Variants in ATP5PF observed in about 807,000 individuals in gnomAD.
ATP5PF encodes ATP synthase peripheral stalk subunit F6.
ATP5PF carries 7 observed loss-of-function variants against 12.0 expected under a neutral mutation model. The observed-to-expected ratio is 0.58, with a 90% CI of 0.33 to 1.10. The LOEUF is 1.10. Among genes scored for constraint, ATP5PF ranks in the 50% least tolerant of loss-of-function variants. ATP5PF has a pLI of 0.03. For missense variants in ATP5PF, 120 were observed against 127.7 expected (o/e 0.94, Z 0.29); for synonymous variants, 41 against 45.4 (o/e 0.90, Z 0.39).
intron 2 of ATP5PF, among the ~76,000 whole-genome samples, chr21:25,725,660 G>A (rs190283926): frequency 1.3e-5 from 2 of 152,026 alleles, no homozygotes; most frequent in Admixed American, 6.6e-5. Flanking sequence ...GGATGGTCTC[G>A]ATCTCCTGAC....
chr21:25,734,011 A>G (rs1601094408), intron 1 of ATP5PF, among the ~76,000 whole-genome samples: 2 of 152,208 alleles, frequency 1.3e-5, no homozygotes, highest in African/African-American at 2.4e-5. Flanking sequence ...TCTCCCTTAT[A>G]AGTCCTACGA....
chr21:25,730,800 G>A (rs1430851722), intron 1 of ATP5PF, among the ~76,000 whole-genome samples: 2 of 100,784 alleles, frequency 2.0e-5, no homozygotes, highest in African/African-American at 3.5e-5. Context: ...CAAATCCCTA[G>A]ACTTCCTTAA....
At chr21:25,725,376 A>G in intron 2 of ATP5PF, 26 bp from the exon 3 acceptor site, 1 of 1,553,246 alleles carries the variant, frequency 6.4e-7, no homozygotes, top group Non-Finnish European at 8.7e-7. Flanking sequence ...GCAAACAAAA[A>G]TTAATTTTGT....
chr21:25,725,484 G>A, intron 2 of ATP5PF, 134 bp from the exon 3 acceptor site: 2 of 1,021,154 alleles, frequency 2.0e-6, no homozygotes, highest in South Asian at 1.9e-5. Context: ...TTGGTCGCCA[G>A]GCTGGAGTGC....
chr21:25,734,285 G>A, intron 1 of ATP5PF: 16 of 974,580 alleles, frequency 1.6e-5, no homozygotes, highest in Non-Finnish European at 2.0e-5. Context: ...TCTGAGCAGA[G>A]GCCTTGTTCT....
At chr21:25,731,406 CTTTT>C in intron 1 of ATP5PF, among the ~76,000 whole-genome samples, 1 of 149,658 alleles carries the variant, frequency 6.7e-6, no homozygotes, top group African/African-American at 2.5e-5. Context: ...ATTTCTCAAT[CTTTT>C]TTTTTTTCAG....
At chr21:25,735,204 C>G (rs1388013047), upstream of ATP5PF, 3 of 594,550 alleles carry the variant, frequency 5.0e-6, no homozygotes, top group Non-Finnish European at 6.0e-6. Context: ...CTAGTTCAAG[C>G]TCCCCTCCGA....
intron 1 of ATP5PF, among the ~76,000 whole-genome samples, chr21:25,733,215 A>C: frequency 6.6e-6 from 1 of 152,098 alleles, no homozygotes; most frequent in East Asian, 1.9e-4. Context: ...TTAAACACAC[A>C]GAAACTGAGG....
upstream of ATP5PF, chr21:25,735,088 C>T (rs1192622093): frequency 1.1e-6 from 1 of 883,068 alleles, no homozygotes; most frequent in Non-Finnish European, 1.8e-6. Flanking sequence ...CTTCCGGGTC[C>T]CCTGGCACAG....
intron 2 of ATP5PF, among the ~76,000 whole-genome samples, chr21:25,728,708 G>C (rs1297915929): frequency 2.0e-5 from 3 of 152,182 alleles, no homozygotes; most frequent in Non-Finnish European, 4.4e-5. Context: ...AGAGGGATGA[G>C]TACCCAAACA....
At chr21:25,734,249 G>C (rs1031119868) in intron 1 of ATP5PF, 1 of 873,018 alleles carries the variant, frequency 1.1e-6, no homozygotes, top group African/African-American at 1.8e-5. Flanking sequence ...GAAAGACTGG[G>C]GAAGGCAACA....
chr21:25,725,056 C>A, intron 3 of ATP5PF, 170 bp downstream of exon 3: 1 of 839,872 alleles, frequency 1.2e-6, no homozygotes, highest in Non-Finnish European at 1.8e-6. Flanking sequence ...ATCTCCTATA[C>A]TGCTCTTATT....
intron 1 of ATP5PF, among the ~76,000 whole-genome samples, chr21:25,731,631 G>GA (rs2123453423): frequency 6.6e-6 from 1 of 151,118 alleles, no homozygotes; most frequent in African/African-American, 2.4e-5. Flanking sequence ...ATCTTCAAGT[G>GA]AAAATCTGAT....
chr21:25,734,734 C>T, intron 1 of ATP5PF, 119 bp downstream of exon 1: 1 of 1,059,414 alleles, frequency 9.4e-7, no homozygotes, highest in Non-Finnish European at 1.3e-6. Context: ...CGTGAAGGTC[C>T]CCAGGACACA....
At position 25,725,238 on chromosome 21, in the gene ATP5PF, A is replaced by T; in HGVS notation, c.277T>A (p.Phe93Ile). The T allele has an allele frequency of 6.2e-7, 1 of 1,607,068 alleles. No homozygotes were observed. Among genetic ancestry groups the T allele is most frequent in the Middle Eastern group, 1.7e-4 (1 of 5,976 alleles). ...TTATAAGACGTACCTTCAAATTTGA[A>T]GGTGGGAAATGTATTCATGTCTGCA... is the stretch of plus-strand genomic sequence containing the variant. ...GNADMNTFPT[F>I]KFEDPKFEVI... is the part of the protein sequence containing the mutation. Residue 93 changes from phenylalanine (F) to isoleucine (I), a missense_variant, in exon 3 of 4, where the codon TTC (phenylalanine) becomes ATC (isoleucine). Coordinates refer to ENST00000284971, the MANE Select transcript of ATP5PF (RefSeq NM_001003703.2).
chr21:25,732,890 G>GAAGGGCGTAAACCT, intron 1 of ATP5PF, among the ~76,000 whole-genome samples: 1 of 147,798 alleles, frequency 6.8e-6, no homozygotes, highest in African/African-American at 2.5e-5. Context: ...GGCTGAGGCA[G>GAAGGGCGTAAACCT]GAGATTCCTT....
intron 1 of ATP5PF, 43 bp downstream of exon 1, chr21:25,734,810 G>T: frequency 1.3e-6 from 2 of 1,514,654 alleles, no homozygotes; most frequent in African/African-American, 1.4e-5. Flanking sequence ...CCCAGAACTG[G>T]AGTCCCAAAA....
rs752144423 is a variant in ATP5PF, at chr21:25,725,333, A to T, written c.182T>A (p.Val61Asp). 2 of 1,605,318 alleles carry T rather than the reference A, an allele frequency of 1.2e-6. No individual in the cohort carries two copies. The highest frequency in any genetic ancestry group is 2.2e-5 in the South Asian group (2 of 89,074). The change falls in exon 3 of 4, where the codon GTT becomes GAT. Residue 61 changes from valine to aspartate, a missense_variant. Coordinates refer to ENST00000284971, the MANE Select transcript of ATP5PF (RefSeq NM_001003703.2). ...KSKRQTSGGP[V>D]DASSEYQQEL... is the part of the protein sequence containing the mutation. ...TTGCTGATACTCTGAACTAGCATCA[A>T]CAGGTCCTCCAGATGTCCTGTTAAG... is the stretch of plus-strand genomic sequence containing the variant.
chr21:25,725,388 T>C, intron 2 of ATP5PF, 38 bp from the exon 3 acceptor site: 1 of 1,529,080 alleles, frequency 6.5e-7, no homozygotes, highest in Non-Finnish European at 8.7e-7. Flanking sequence ...TAATTTTGTG[T>C]ACTAGCTTAC....
Sources: gnomAD v4.1 joint callset for allele counts (sites outside exome capture counted in the v4.1 genomes callset) on GRCh38, gnomAD v4.1.1 for gene constraint, MANE v1.5 for transcripts, NCBI Gene and HGNC (gene_info 2026-07-23, HGNC 2026-07-21) for gene names.